The following BMPR1B variants were observed in gnomAD, a reference collection of about 807,000 sequenced individuals.
BMPR1B encodes the protein bone morphogenetic protein receptor type 1B.
Under a neutral mutation model 59.1 loss-of-function variants are expected in BMPR1B, and 12 were observed. That is an observed-to-expected ratio of 0.20 (90% CI 0.13 to 0.33). BMPR1B has a LOEUF of 0.33. Among genes scored for constraint, BMPR1B ranks in the 10% least tolerant of loss-of-function variants. The pLI is 1.00. For synonymous variants in BMPR1B, 237 were observed against 207.3 expected, an observed-to-expected ratio of 1.14 and a Z score of -1.23; for missense variants, 550 against 610.9, an observed-to-expected ratio of 0.90 and a Z score of 1.05.
At chr4:94,878,166 A>T (rs943970702) in intron 2 of BMPR1B, among the ~76,000 whole-genome samples, 1 of 152,214 alleles carries the variant, frequency 6.6e-6, no homozygotes, top group African/African-American at 2.4e-5. Context: ...ATATTGCAAA[A>T]TTGCTTTCAG....
intron 3 of BMPR1B, among the ~76,000 whole-genome samples, chr4:95,057,150 A>G (rs1415636789): frequency 6.6e-6 from 1 of 152,158 alleles, no homozygotes; most frequent in Non-Finnish European, 1.5e-5. Context: ...ATGTCCCTGG[A>G]CATACTTATA....
chr4:94,763,331 ACAT>A (rs1241325245), intron 1 of BMPR1B, among the ~76,000 whole-genome samples: 1 of 152,200 alleles, frequency 6.6e-6, no homozygotes, highest in African/African-American at 2.4e-5. Flanking sequence ...GGGATGTTAC[ACAT>A]CATTGTACTC....
chr4:95,039,549 A>G (rs1725503239), intron 3 of BMPR1B, among the ~76,000 whole-genome samples: 1 of 151,678 alleles, frequency 6.6e-6, no homozygotes, highest in Non-Finnish European at 1.5e-5. Flanking sequence ...AAGAGCTGCT[A>G]TTTCTCATAA....
At chr4:95,133,841 A>G (rs932986808) in intron 10 of BMPR1B, among the ~76,000 whole-genome samples, 1 of 150,734 alleles carries the variant, frequency 6.6e-6, no homozygotes, top group African/African-American at 2.4e-5. Flanking sequence ...AAACGCTGGG[A>G]TTATAGGCAT....
intron 2 of BMPR1B, among the ~76,000 whole-genome samples, chr4:94,878,005 T>C (rs1380446663): frequency 1.3e-5 from 2 of 152,160 alleles, no homozygotes; most frequent in African/African-American, 4.8e-5. Context: ...ATCGCCTATA[T>C]TGATGAATGG....
At chr4:94,775,856 C>T (rs1037357602) in intron 1 of BMPR1B, among the ~76,000 whole-genome samples, 5 of 152,146 alleles carry the variant, frequency 3.3e-5, no homozygotes, top group African/African-American at 9.6e-5. Context: ...CGCTGGGAGG[C>T]GGAGGCGGGC....
intron 3 of BMPR1B, among the ~76,000 whole-genome samples, chr4:95,029,611 ATCC>A (rs1724681462): frequency 6.6e-6 from 1 of 152,084 alleles, no homozygotes; most frequent in African/African-American, 2.4e-5. Flanking sequence ...TTGATTTATA[ATCC>A]TTTGGGTATA....
intron 2 of BMPR1B, among the ~76,000 whole-genome samples, chr4:94,978,346 C>T (rs1335742662): frequency 6.6e-6 from 1 of 152,210 alleles, no homozygotes; most frequent in African/African-American, 2.4e-5. Context: ...CATGCATTTG[C>T]AGTCAGATGG....
intron 2 of BMPR1B, among the ~76,000 whole-genome samples, chr4:94,947,301 G>A (rs1729754225): frequency 6.6e-6 from 1 of 152,172 alleles, no homozygotes; most frequent in Non-Finnish European, 1.5e-5. Flanking sequence ...AAAATTTTAG[G>A]TGTAACTATT....
Position 94,757,964 on chromosome 4 carries a change from C to G in BMPR1B, c.-287C>G, listed in dbSNP as rs1019586523. 99 of 141,342 alleles carry G rather than the reference C, an allele frequency of 7.0e-4. No homozygotes were observed. The highest frequency in any genetic ancestry group is 1.4e-3 in the Admixed American group (20 of 14,150). 8.8% of individuals were successfully genotyped at this position (141,342 alleles called of 1,614,324 possible). A position where few individuals can be genotyped will look rare whatever the true frequency, so the allele number is the denominator to read the frequency against. The stretch of plus-strand genomic sequence containing the variant: ...AGCGGCCGCGGCGGCCAGAAGTTGA[C>G]GGCGCAGCCGGGCGCGGGGCGCGGA... On this transcript the variant is annotated 5_prime_UTR_variant, in exon 1 of 13. Transcript: ENST00000515059.
rs541919252 is a variant in BMPR1B, at chr4:95,102,439, G to A, written c.-17-1969G>A. On this transcript the variant is annotated intron_variant, in intron 3 of 12. Coordinates refer to ENST00000515059, the MANE Select transcript of BMPR1B (RefSeq NM_001203.3). ...GGTAGTAGACATTTGCATCATAAATGAATTTTTATTATTGTGTTTTAAAGC... is the reference window on the plus strand; with the variant it reads ...GGTAGTAGACATTTGCATCATAAATAAATTTTTATTATTGTGTTTTAAAGC... 3.2e-4 allele frequency among the ~76,000 whole-genome samples: 48 copies of A among 152,288 alleles called. No homozygotes were observed. The South Asian group carries it at 8.9e-3, about 28-fold the overall frequency.
chr4:94,796,570 A>G (rs1723203272), intron 1 of BMPR1B, among the ~76,000 whole-genome samples: 2 of 152,104 alleles, frequency 1.3e-5, no homozygotes, highest in African/African-American at 4.8e-5. Flanking sequence ...TTGAGTCAGG[A>G]TCAGGACTGA....
intron 3 of BMPR1B, among the ~76,000 whole-genome samples, chr4:95,080,526 A>G (rs1411486464): frequency 1.3e-5 from 2 of 152,128 alleles, no homozygotes; most frequent in East Asian, 3.9e-4. Context: ...GTGAGCCACC[A>G]CACCTGGCCT....
intron 2 of BMPR1B, among the ~76,000 whole-genome samples, chr4:94,942,599 T>C (rs1009343123): frequency 2.0e-4 from 30 of 152,332 alleles, no homozygotes; most frequent in African/African-American, 7.0e-4. Context: ...AAATAATCAT[T>C]GTTGAAATAT....
chr4:94,984,158 T>C (rs934584145), intron 2 of BMPR1B, among the ~76,000 whole-genome samples: 1 of 152,230 alleles, frequency 6.6e-6, no homozygotes, highest in South Asian at 2.1e-4. Flanking sequence ...AATAAGTCTG[T>C]GCACTGACTT....
intron 2 of BMPR1B, among the ~76,000 whole-genome samples, chr4:94,978,135 A>G (rs2149084349): frequency 6.6e-6 from 1 of 152,346 alleles, no homozygotes; most frequent in East Asian, 1.9e-4. Context: ...TCCAAGGCCA[A>G]TGCCACATGT....
intron 1 of BMPR1B, among the ~76,000 whole-genome samples, chr4:94,800,417 T>G (rs1001347600): frequency 2.0e-5 from 3 of 151,916 alleles, no homozygotes; most frequent in African/African-American, 7.3e-5. Context: ...TTACTTATGG[T>G]AGGAAGCAAA....
intron 2 of BMPR1B, among the ~76,000 whole-genome samples, chr4:94,969,695 T>C (rs1003524870): frequency 1.3e-5 from 2 of 152,196 alleles, no homozygotes; most frequent in African/African-American, 4.8e-5. Flanking sequence ...CATACATATT[T>C]CACTTGTGAG....
intron 3 of BMPR1B, among the ~76,000 whole-genome samples, chr4:95,027,091 C>T (rs570234991): frequency 1.3e-5 from 2 of 152,100 alleles, no homozygotes; most frequent in African/African-American, 2.4e-5. Flanking sequence ...AAATTTTTCA[C>T]GTTATCAATA....
Sources: allele counts gnomAD v4.1 joint callset (sites outside exome capture counted in the v4.1 genomes callset), GRCh38; gene constraint gnomAD v4.1.1; transcripts MANE v1.5; gene names NCBI Gene and HGNC (gene_info 2026-07-23, HGNC 2026-07-21).